LAMA2: variants seen among roughly 807,000 people sequenced by gnomAD.
LAMA2 encodes laminin subunit alpha-2.
LAMA2 carries 269 observed loss-of-function variants against 364.8 expected under a neutral mutation model. The observed-to-expected ratio is 0.74, with a 90% confidence interval of 0.67 to 0.82. The LOEUF (loss-of-function observed/expected upper bound fraction) is 0.82. Among genes scored for constraint, LAMA2 ranks in the 40% least tolerant of loss-of-function variants. The pLI is 0.00. For synonymous variants in LAMA2, 1,379 were observed against 1,370.6 expected, an observed-to-expected ratio of 1.01 and a Z score of -0.14; for missense variants, 3,807 against 3,873.2, an observed-to-expected ratio of 0.98 and a Z score of 0.45.
In LAMA2 at chr6:129,291,737, G is replaced by T; in HGVS notation, c.2856+17G>T. On this transcript the variant is annotated intron_variant, in intron 20 of 64. Transcript: ENST00000421865. ...AAATGCAAGGTAAGGAGTAGAGGCTGACCCATAAATTACTTTCTCCTTACA... is the reference window on the plus strand; with the variant it reads ...AAATGCAAGGTAAGGAGTAGAGGCTTACCCATAAATTACTTTCTCCTTACA... 6.5e-7 allele frequency: 1 copy of T among 1,541,800 alleles called. No homozygotes were observed. The highest frequency in any genetic ancestry group is 1.1e-5 in the South Asian group (1 of 89,566).
intron 32 of LAMA2, among the ~76,000 whole-genome samples, chr6:129,363,264 A>G (rs1777572195): frequency 1.3e-5 from 2 of 152,254 alleles, no homozygotes; most frequent in South Asian, 2.1e-4. Context: ...TGATCACACC[A>G]CTGTACTCCA....
intron 1 of LAMA2, among the ~76,000 whole-genome samples, chr6:128,950,631 T>G (rs1780755385): frequency 6.6e-6 from 1 of 152,264 alleles, no homozygotes; most frequent in East Asian, 1.9e-4. Context: ...CCTTCTTAGC[T>G]GTTTGACCTC....
Position 129,059,902 on chromosome 6 carries a change from G to T in LAMA2, c.396+6G>T, listed in dbSNP as rs1341024110. Reference sequence around the variant, plus strand: ...TTACCCTGGATTTACAGCAGGTATAGTTCCTCTTTTTTTGTCATTTCCACT... The same window carrying T: ...TTACCCTGGATTTACAGCAGGTATATTTCCTCTTTTTTTGTCATTTCCACT... On this transcript the variant is annotated splice_donor_region_variant and intron_variant, in intron 3 of 64. Coordinates refer to ENST00000421865, the MANE Select transcript of LAMA2 (RefSeq NM_000426.4). 1 of 1,457,262 alleles carries T rather than the reference G, an allele frequency of 6.9e-7. No individual in the cohort carries two copies. The highest frequency in any genetic ancestry group is 1.1e-5 in the South Asian group (1 of 88,046). 90.3% of individuals were successfully genotyped at this position (1,457,262 alleles called of 1,614,324 possible). A position where few individuals can be genotyped will look rare whatever the true frequency, so the allele number is the denominator to read the frequency against.
At chr6:129,308,428 T>C (rs775260932) in intron 22 of LAMA2, among the ~76,000 whole-genome samples, 2 of 152,226 alleles carry the variant, frequency 1.3e-5, no homozygotes, top group Non-Finnish European at 2.9e-5. Context: ...AAATTGAAGT[T>C]GATACCTCAT....
At chr6:129,300,654 CA>C in intron 21 of LAMA2, 81 bp from the exon 22 acceptor site, 2 of 1,416,294 alleles carry the variant, frequency 1.4e-6, no homozygotes, top group Non-Finnish European at 2.0e-6. Flanking sequence ...TAAGACAAAC[CA>C]ACACAATATA....
intron 3 of LAMA2, among the ~76,000 whole-genome samples, chr6:129,075,800 C>T (rs1052114043): frequency 1.3e-5 from 2 of 151,902 alleles, no homozygotes; most frequent in African/African-American, 2.4e-5. Flanking sequence ...TTGAAGCATT[C>T]GAGTGGTGCC....
intron 3 of LAMA2, among the ~76,000 whole-genome samples, chr6:129,080,273 G>A (rs1773952544): frequency 6.6e-6 from 1 of 152,134 alleles, no homozygotes; most frequent in African/African-American, 2.4e-5. Context: ...GATGAATCCA[G>A]TTCTTTCTGA....
At chr6:128,975,323 G>A (rs894079332) in intron 1 of LAMA2, among the ~76,000 whole-genome samples, 51 of 151,936 alleles carry the variant, frequency 3.4e-4, no homozygotes, top group African/African-American at 1.2e-3. Context: ...TTAAAGATGA[G>A]CAGGAGAATT....
chr6:129,149,378 C>T (rs1242607799), intron 7 of LAMA2, among the ~76,000 whole-genome samples: 2 of 151,986 alleles, frequency 1.3e-5, no homozygotes, highest in Non-Finnish European at 2.9e-5. Context: ...CAAGAAAAGA[C>T]CTAAAAATAG....
chr6:129,308,767 C>T (rs992938699), intron 22 of LAMA2, among the ~76,000 whole-genome samples: 14 of 152,244 alleles, frequency 9.2e-5, no homozygotes, highest in East Asian at 3.9e-4. Flanking sequence ...GGAAGCATAG[C>T]GGCATCTGTT....
chr6:128,969,396 C>T (rs1442855308), intron 1 of LAMA2, among the ~76,000 whole-genome samples: 1 of 152,076 alleles, frequency 6.6e-6, no homozygotes, highest in Non-Finnish European at 1.5e-5. Context: ...CAACTTCCTA[C>T]ATAGTTGTAA....
chr6:128,924,554 AAT>A (rs1207041342), intron 1 of LAMA2, among the ~76,000 whole-genome samples: 1 of 152,120 alleles, frequency 6.6e-6, no homozygotes, highest in Non-Finnish European at 1.5e-5. Context: ...GGAAAAAAAA[AAT>A]CCCCTGTATA....
intron 56 of LAMA2, among the ~76,000 whole-genome samples, chr6:129,489,004 G>A (rs1784729738): frequency 6.6e-6 from 1 of 152,118 alleles, no homozygotes; most frequent in South Asian, 2.1e-4. Context: ...ACAAATAACA[G>A]GACCAGGTAT....
intron 1 of LAMA2, among the ~76,000 whole-genome samples, chr6:128,951,668 T>A (rs911707416): frequency 6.6e-6 from 1 of 152,152 alleles, no homozygotes; most frequent in Non-Finnish European, 1.5e-5. Flanking sequence ...CAGTCTAGTG[T>A]CATCAAGGCT....
chr6:129,223,307 A>C (rs1272075658), intron 12 of LAMA2, among the ~76,000 whole-genome samples: 5 of 151,746 alleles, frequency 3.3e-5, no homozygotes, highest in African/African-American at 9.7e-5. Flanking sequence ...GTTCACTCTG[A>C]TGGTAGTTTC....
chr6:129,005,420 T>TC (rs1784388681), intron 1 of LAMA2, among the ~76,000 whole-genome samples: 1 of 152,016 alleles, frequency 6.6e-6, no homozygotes, highest in Non-Finnish European at 1.5e-5. Context: ...ACTAACATTC[T>TC]CATCAGGCTT....
chr6:129,329,932 A>G (rs1190270309), intron 29 of LAMA2, among the ~76,000 whole-genome samples: 1 of 152,018 alleles, frequency 6.6e-6, no homozygotes, highest in Admixed American at 6.6e-5. Flanking sequence ...CCTGAGCTCC[A>G]CCTCCTGTCA....
intron 12 of LAMA2, among the ~76,000 whole-genome samples, chr6:129,224,150 T>C (rs1454311458): frequency 2.0e-5 from 3 of 152,214 alleles, no homozygotes; most frequent in Admixed American, 1.3e-4. Context: ...TCTGATTGTC[T>C]GTTGTTAGTG....
At chr6:129,358,432 C>T (rs1417778049) in intron 32 of LAMA2, among the ~76,000 whole-genome samples, 2 of 151,940 alleles carry the variant, frequency 1.3e-5, no homozygotes, top group African/African-American at 4.8e-5. Flanking sequence ...ACTTTGATTG[C>T]AATTTCTACT....
Sources: allele counts gnomAD v4.1 joint callset (sites outside exome capture counted in the v4.1 genomes callset), GRCh38; gene constraint gnomAD v4.1.1; transcripts MANE v1.5; gene names NCBI Gene and HGNC (gene_info 2026-07-23, HGNC 2026-07-21).